Variants in PARD3 observed in about 807,000 individuals in gnomAD.
PARD3 encodes par-3 family cell polarity regulator.
PARD3 carries 75 observed loss-of-function variants against 155.4 expected under a neutral mutation model. The ratio of observed to expected loss-of-function variants is 0.48; its 90% confidence interval spans 0.40 to 0.58. The LOEUF (loss-of-function observed/expected upper bound fraction) is 0.58, where lower values mean the gene tolerates loss of function less well. PARD3 is among the 20% of genes least tolerant of loss of function. PARD3 has a pLI of 0.00. For missense variants in PARD3, 1,642 were observed against 1,721.7 expected (o/e 0.95, Z 0.82); for synonymous variants, 576 against 610.5 (o/e 0.94, Z 0.83).
intron 12 of PARD3, among the ~76,000 whole-genome samples, chr10:34,372,002 A>C (rs1172222154): frequency 6.6e-6 from 1 of 152,068 alleles, no homozygotes; most frequent in Admixed American, 6.6e-5. Flanking sequence ...GTGAGTCCTT[A>C]ACTTTTGTTA....
intron 5 of PARD3, among the ~76,000 whole-genome samples, chr10:34,444,891 C>T (rs1044100942): frequency 3.3e-5 from 5 of 152,064 alleles, no homozygotes; most frequent in African/African-American, 1.2e-4. Context: ...TCATAACTGC[C>T]TTCAGAAACA....
Position 34,119,791 on chromosome 10 carries a change from T to A in PARD3, c.3541-51A>T, listed in dbSNP as rs551812821. On this transcript the variant is annotated intron_variant, in intron 23 of 24. Coordinates refer to ENST00000374788, the MANE Select transcript of PARD3 (RefSeq NM_001184785.2). Reference sequence around the variant, plus strand: ...CGTTAACCAGAAAGTTCTGTACAGATCACACAACTGGTTGACTCCATTTCG... The same window carrying A: ...CGTTAACCAGAAAGTTCTGTACAGAACACACAACTGGTTGACTCCATTTCG... 7.9e-5 allele frequency: 118 copies of A among 1,488,368 alleles called. 2 individuals are homozygous for A. In the East Asian group the frequency reaches 2.4e-3, roughly 31 times the overall value. The allele number at this position is 1,488,368 out of a possible 1,614,324, so 92.2% of individuals were successfully genotyped here.
chr10:34,650,852 A>G lies in PARD3; in HGVS notation c.222+45466T>C, dbSNP rs558557963. On this transcript the variant is annotated intron_variant, in intron 2 of 24. Transcript: ENST00000374788. ...CATGGAGAAATCTCGTCCCTACTAA[A>G]AATACAAAATTAGCCTGGCATGGTG... Among the ~76,000 whole-genome samples the G allele has an allele frequency of 2.0e-5, 3 of 152,092 alleles. No homozygotes were observed. In the East Asian group the frequency reaches 5.8e-4, roughly 30 times the overall value.
At chr10:34,771,268 T>C (rs909045623) in intron 1 of PARD3, among the ~76,000 whole-genome samples, 1 of 152,222 alleles carries the variant, frequency 6.6e-6, no homozygotes, top group Non-Finnish European at 1.5e-5. Context: ...AGAAAGACGG[T>C]GCAGCTCAGA....
chr10:34,482,793 A>T (rs1006190127), intron 3 of PARD3, among the ~76,000 whole-genome samples: 4 of 152,124 alleles, frequency 2.6e-5, no homozygotes, highest in African/African-American at 9.7e-5. Context: ...AAAAAGAAGC[A>T]AGTTAGAGGG....
chr10:34,591,280 A>T (rs985700234), intron 2 of PARD3, among the ~76,000 whole-genome samples: 3 of 152,144 alleles, frequency 2.0e-5, no homozygotes, highest in Admixed American at 2.0e-4. Flanking sequence ...GGTCTCCATT[A>T]CCCAGCTCTC....
At chr10:34,272,602 C>T (rs968421258) in intron 21 of PARD3, among the ~76,000 whole-genome samples, 4 of 152,002 alleles carry the variant, frequency 2.6e-5, no homozygotes, top group Non-Finnish European at 5.9e-5. Context: ...TGGTGGTGCA[C>T]AGCTGTAATC....
chr10:34,172,242 A>T (rs1165824722), intron 22 of PARD3, among the ~76,000 whole-genome samples: 11 of 152,164 alleles, frequency 7.2e-5, no homozygotes, highest in Non-Finnish European at 1.3e-4. Context: ...CCAAAACATG[A>T]CTTGAGTTTT....
intron 2 of PARD3, among the ~76,000 whole-genome samples, chr10:34,565,624 G>A (rs1015547738): frequency 2.0e-5 from 3 of 152,054 alleles, no homozygotes; most frequent in African/African-American, 7.2e-5. Flanking sequence ...TGTGTTCCTG[G>A]TTCTTAAAAT....
At chr10:34,267,939 G>A (rs1955407822) in intron 22 of PARD3, among the ~76,000 whole-genome samples, 1 of 152,112 alleles carries the variant, frequency 6.6e-6, no homozygotes, top group African/African-American at 2.4e-5. Flanking sequence ...AGAGCCCCTG[G>A]TTTTAATGAA....
At chr10:34,118,601 C>G (rs1946814471) in intron 24 of PARD3, among the ~76,000 whole-genome samples, 1 of 152,170 alleles carries the variant, frequency 6.6e-6, no homozygotes, top group Non-Finnish European at 1.5e-5. Flanking sequence ...CTGCCTCAGC[C>G]TCCCAAAGTG....
intron 22 of PARD3, among the ~76,000 whole-genome samples, chr10:34,224,411 T>C (rs1469245295): frequency 6.6e-6 from 1 of 152,240 alleles, no homozygotes; most frequent in Admixed American, 6.5e-5. Flanking sequence ...AGAGACCAGG[T>C]GTCACTCGAG....
At chr10:34,179,738 T>C (rs961086970) in intron 22 of PARD3, among the ~76,000 whole-genome samples, 5 of 152,192 alleles carry the variant, frequency 3.3e-5, no homozygotes, top group Admixed American at 2.6e-4. Flanking sequence ...AGGAGAAGAC[T>C]GAGTCCAAGG....
rs746657712 is a variant in PARD3, at chr10:34,517,082, G to C, written c.300C>G (p.Ser100Arg). 1.2e-6 allele frequency: 2 copies of C among 1,614,176 alleles called. No homozygotes were observed. The highest frequency in any genetic ancestry group is 1.7e-6 in the Non-Finnish European group (2 of 1,180,026). Residue 100 changes from serine to arginine, a missense_variant, in exon 3 of 25, where the codon AGC becomes AGG. Transcript: ENST00000374788. Reference protein sequence around the residue: ...GTSASSTGTQSPEIFGSELGT... With the variant: ...GTSASSTGTQRPEIFGSELGT... ...CAAGCTCACTACCAAATATCTCTGG[G>C]CTCTGGGTACCCGTGGAACTGGCAC...
chr10:34,426,324 C>T (rs1322802797), intron 5 of PARD3, among the ~76,000 whole-genome samples: 2 of 152,146 alleles, frequency 1.3e-5, no homozygotes, highest in Admixed American at 6.5e-5. Flanking sequence ...TGAGTTTCCT[C>T]GTTACTCATA....
At chr10:34,793,639 A>C (rs1330346578) in intron 1 of PARD3, among the ~76,000 whole-genome samples, 1 of 152,206 alleles carries the variant, frequency 6.6e-6, no homozygotes. Context: ...ATGCAAAATT[A>C]GCTGGGCGTG....
intron 5 of PARD3, among the ~76,000 whole-genome samples, chr10:34,443,543 C>T (rs975593487): frequency 8.6e-5 from 13 of 152,046 alleles, no homozygotes; most frequent in Non-Finnish European, 1.3e-4. Flanking sequence ...ACATGGATGG[C>T]GGCAGGCAAA....
chr10:34,234,799 G>A (rs1329609741), intron 22 of PARD3, among the ~76,000 whole-genome samples: 1 of 152,202 alleles, frequency 6.6e-6, no homozygotes, highest in Non-Finnish European at 1.5e-5. Flanking sequence ...ATGAATGAAT[G>A]AGTAAATGGA....
intron 3 of PARD3, among the ~76,000 whole-genome samples, chr10:34,476,876 G>GA (rs796502434): frequency 8.5e-5 from 13 of 152,198 alleles, no homozygotes; most frequent in African/African-American, 2.9e-4. Context: ...ATCTTTTCAC[G>GA]AGTTTCACCT....
Sources: allele counts gnomAD v4.1 joint callset (sites outside exome capture counted in the v4.1 genomes callset), GRCh38; gene constraint gnomAD v4.1.1; transcripts MANE v1.5; gene names NCBI Gene and HGNC (gene_info 2026-07-23, HGNC 2026-07-21).